Variants in PAM observed in about 807,000 individuals in gnomAD.
PAM encodes the protein peptidyl-glycine alpha-amidating monooxygenase.
Under a neutral mutation model 122.1 loss-of-function variants are expected in PAM, and 72 were observed. The ratio of observed to expected loss-of-function variants is 0.59; its 90% CI spans 0.49 to 0.72. The LOEUF (loss-of-function observed/expected upper bound fraction) is 0.72, where lower values mean the gene tolerates loss of function less well. Among genes scored for constraint, PAM ranks in the 30% least tolerant of loss-of-function variants. The pLI is 0.00. For synonymous variants in PAM, 389 were observed against 404.4 expected, an observed-to-expected ratio of 0.96 and a Z score of 0.46; for missense variants, 1,106 against 1,183.7, an observed-to-expected ratio of 0.93 and a Z score of 0.96.
chr5:102,904,594 A>G (rs1798977989), intron 4 of PAM, among the ~76,000 whole-genome samples: 1 of 151,598 alleles, frequency 6.6e-6, no homozygotes, highest in African/African-American at 2.4e-5. Context: ...TCTGCTACAT[A>G]TAAGTTATTG....
intron 1 of PAM, among the ~76,000 whole-genome samples, chr5:102,774,043 A>C (rs898106245): frequency 5.9e-5 from 9 of 152,076 alleles, no homozygotes; most frequent in Non-Finnish European, 1.2e-4. Context: ...AAAAGACATG[A>C]TCTCATTCTT....
At chr5:102,804,420 G>C (rs1162724292) in intron 1 of PAM, among the ~76,000 whole-genome samples, 2 of 152,198 alleles carry the variant, frequency 1.3e-5, no homozygotes, top group Non-Finnish European at 2.9e-5. Context: ...AGTGGGAATG[G>C]AACAGGAAGA....
intron 15 of PAM, among the ~76,000 whole-genome samples, chr5:102,981,703 T>C (rs779657931): frequency 1.3e-5 from 2 of 152,192 alleles, no homozygotes; most frequent in African/African-American, 2.4e-5. Flanking sequence ...CAATTAAATA[T>C]CTGCATTGTC....
At chr5:102,998,875 C>T (rs1776525114) in intron 16 of PAM, among the ~76,000 whole-genome samples, 1 of 152,136 alleles carries the variant, frequency 6.6e-6, no homozygotes, top group South Asian at 2.1e-4. Flanking sequence ...GAGACTTAAA[C>T]CTTGCATTAG....
At chr5:102,907,382 T>C (rs547513582) in intron 4 of PAM, among the ~76,000 whole-genome samples, 1 of 151,590 alleles carries the variant, frequency 6.6e-6, no homozygotes, top group East Asian at 2.0e-4. Context: ...TGTTGGACAT[T>C]TGGGTTGGTT....
chr5:102,863,669 T>C (rs6867062), intron 1 of PAM, among the ~76,000 whole-genome samples: 28,102 of 150,004 alleles, frequency 0.19, 5,286 homozygotes, highest in African/African-American at 0.48. Context: ...ATTATCTCAA[T>C]GAAATATCTG....
chr5:103,015,898 T>TC (rs1781841794), intron 21 of PAM, among the ~76,000 whole-genome samples: 2 of 152,176 alleles, frequency 1.3e-5, no homozygotes, highest in African/African-American at 4.8e-5. Context: ...ACACATTCCC[T>TC]CCTCACCTTT....
chr5:103,001,539 A>G (rs1412365333), intron 16 of PAM, among the ~76,000 whole-genome samples: 1 of 152,146 alleles, frequency 6.6e-6, no homozygotes, highest in Non-Finnish European at 1.5e-5. Context: ...CTGAAGTTTT[A>G]GATTGACAAA....
chr5:102,809,657 C>CT lies in PAM; in HGVS notation c.-374+54310dup, dbSNP rs1767345325. On this transcript the variant is annotated intron_variant, in intron 1 of 25. Coordinates refer to ENST00000438793, the MANE Select transcript of PAM (RefSeq NM_001177306.2). The stretch of plus-strand genomic sequence containing the variant: ...TTGAAGCCTTTTTAAATATACCCTT[C>CT]TGTCTAACTTGCTTTATTTCTGCAT... 2.0e-5 allele frequency among the ~76,000 whole-genome samples: 3 copies of CT among 152,334 alleles called. No individual in the cohort carries two copies. The South Asian group carries it at 6.2e-4, about 32-fold the overall frequency.
At chr5:102,805,261 G>A (rs1235817976) in intron 1 of PAM, among the ~76,000 whole-genome samples, 1 of 151,768 alleles carries the variant, frequency 6.6e-6, no homozygotes, top group Non-Finnish European at 1.5e-5. Flanking sequence ...GTAGAGATGG[G>A]CTTTCACCAT....
intron 15 of PAM, among the ~76,000 whole-genome samples, chr5:102,979,125 C>A (rs542780458): frequency 2.6e-5 from 4 of 151,862 alleles, no homozygotes; most frequent in Non-Finnish European, 4.4e-5. Context: ...TTCTAGTCAT[C>A]TGATTATCTC....
chr5:103,000,231 C>G (rs2150965582), intron 16 of PAM, among the ~76,000 whole-genome samples: 1 of 152,336 alleles, frequency 6.6e-6, no homozygotes, highest in Admixed American at 6.5e-5. Flanking sequence ...GTTCAAAGTT[C>G]CACAGATCTC....
chr5:103,022,102 G>T (rs1332205094), intron 23 of PAM, among the ~76,000 whole-genome samples: 1 of 94,816 alleles, frequency 1.1e-5, no homozygotes, highest in African/African-American at 4.2e-5. Context: ...TCACCCCCAA[G>T]CCCACCCCCC....
At chr5:102,964,286 G>C (rs1385630170) in intron 14 of PAM, among the ~76,000 whole-genome samples, 2 of 151,866 alleles carry the variant, frequency 1.3e-5, no homozygotes, top group African/African-American at 4.8e-5. Context: ...AAATTAACTA[G>C]AAATTAACTA....
At chr5:102,822,534 C>G (rs938663201) in intron 1 of PAM, among the ~76,000 whole-genome samples, 2 of 152,048 alleles carry the variant, frequency 1.3e-5, no homozygotes, top group Non-Finnish European at 2.9e-5. Context: ...TAGACACAGA[C>G]AGTGCCCTAG....
At chr5:103,026,250 A>G (rs1427865705) in intron 24 of PAM, among the ~76,000 whole-genome samples, 1 of 152,156 alleles carries the variant, frequency 6.6e-6, no homozygotes, top group Non-Finnish European at 1.5e-5. Flanking sequence ...GAGCAAGTCT[A>G]TAGCTGTGTG....
intron 16 of PAM, among the ~76,000 whole-genome samples, chr5:102,999,950 T>G (rs970609756): frequency 2.5e-4 from 38 of 152,354 alleles, no homozygotes; most frequent in Admixed American, 2.1e-3. Context: ...ACAAGTAACT[T>G]TTGGCTCCTC....
chr5:102,942,468 T>TG (rs1416985247), intron 7 of PAM, among the ~76,000 whole-genome samples: 3 of 152,134 alleles, frequency 2.0e-5, no homozygotes, highest in Non-Finnish European at 4.4e-5. Context: ...GATTCATTTT[T>TG]GTTTGTATGT....
At chr5:102,792,762 A>T (rs528938122) in intron 1 of PAM, among the ~76,000 whole-genome samples, 7 of 152,332 alleles carry the variant, frequency 4.6e-5, no homozygotes, top group Admixed American at 3.3e-4. Context: ...TTTTCTTACA[A>T]ATCAGAATAC....
Sources: allele counts gnomAD v4.1 joint callset (sites outside exome capture counted in the v4.1 genomes callset), GRCh38; gene constraint gnomAD v4.1.1; transcripts MANE v1.5; gene names NCBI Gene and HGNC (gene_info 2026-07-23, HGNC 2026-07-21).